Variants in PDLIM5 observed in about 807,000 individuals in gnomAD.
PDLIM5 encodes the protein PDZ and LIM domain 5.
A neutral mutation model predicts 64.2 loss-of-function variants in PDLIM5; 34 were observed. The observed-to-expected ratio is 0.53, with a 90% CI of 0.40 to 0.71. The LOEUF is 0.71. Among genes scored for constraint, PDLIM5 ranks in the 30% least tolerant of loss-of-function variants. The pLI is 0.00. For missense variants in PDLIM5, 683 were observed against 733.6 expected (o/e 0.93, Z 0.80); for synonymous variants, 253 against 269.1 (o/e 0.94, Z 0.59).
chr4:94,476,207 T>C (rs970514675), intron 2 of PDLIM5, among the ~76,000 whole-genome samples: 1 of 152,190 alleles, frequency 6.6e-6, no homozygotes, highest in African/African-American at 2.4e-5. Context: ...CGATTGTGTA[T>C]TATTCATAAT....
intron 3 of PDLIM5, among the ~76,000 whole-genome samples, chr4:94,535,475 C>T (rs1371551894): frequency 1.3e-5 from 2 of 152,186 alleles, no homozygotes; most frequent in African/African-American, 4.8e-5. Context: ...TCTCCTGCTG[C>T]TGCACTTGGT....
intron 3 of PDLIM5, among the ~76,000 whole-genome samples, chr4:94,548,938 C>A (rs1238845672): frequency 2.0e-5 from 3 of 150,530 alleles, no homozygotes; most frequent in South Asian, 2.1e-4. Context: ...ATTGCCTTGG[C>A]AATATTTCTT....
At chr4:94,628,777 G>A (rs530510306) in intron 8 of PDLIM5, among the ~76,000 whole-genome samples, 1 of 151,996 alleles carries the variant, frequency 6.6e-6, no homozygotes, top group African/African-American at 2.4e-5. Flanking sequence ...TGTCCTTATG[G>A]TTTTCTCATC....
intron 3 of PDLIM5, among the ~76,000 whole-genome samples, chr4:94,545,699 A>G (rs1450722279): frequency 6.6e-6 from 1 of 152,132 alleles, no homozygotes; most frequent in Non-Finnish European, 1.5e-5. Context: ...TTTTTAGTAG[A>G]TGATTGTTGA....
At chr4:94,638,706 T>C (rs1391701425) in intron 8 of PDLIM5, among the ~76,000 whole-genome samples, 3 of 152,236 alleles carry the variant, frequency 2.0e-5, no homozygotes, top group African/African-American at 2.4e-5. Flanking sequence ...TGGACTATTT[T>C]CACATGCACC....
At chr4:94,497,377 A>G (rs1345933908) in intron 2 of PDLIM5, among the ~76,000 whole-genome samples, 2 of 152,212 alleles carry the variant, frequency 1.3e-5, no homozygotes, top group Admixed American at 6.5e-5. Flanking sequence ...ACTACTTTTT[A>G]TTTAAAGAGG....
chr4:94,655,913 A>G (rs960166197), intron 10 of PDLIM5, among the ~76,000 whole-genome samples: 1 of 152,198 alleles, frequency 6.6e-6, no homozygotes, highest in African/African-American at 2.4e-5. Context: ...GCCTTGGGAG[A>G]TAGTTTGATT....
chr4:94,645,243 A>G (rs964896442), intron 9 of PDLIM5, among the ~76,000 whole-genome samples: 5 of 152,226 alleles, frequency 3.3e-5, no homozygotes, highest in African/African-American at 1.2e-4. Flanking sequence ...TGTGAATGCC[A>G]TTAATTTATT....
chr4:94,591,324 G>A (rs1428557348), intron 7 of PDLIM5, among the ~76,000 whole-genome samples: 1 of 152,170 alleles, frequency 6.6e-6, no homozygotes, highest in Non-Finnish European at 1.5e-5. Flanking sequence ...GAAGCAGCAA[G>A]TGATAAATTC....
At chr4:94,546,458 A>G (rs1198049258) in intron 3 of PDLIM5, among the ~76,000 whole-genome samples, 2 of 152,132 alleles carry the variant, frequency 1.3e-5, no homozygotes. Flanking sequence ...TCCTCTTCAC[A>G]TTCACTTCTT....
At chr4:94,529,827 A>G (rs1422434125) in intron 3 of PDLIM5, among the ~76,000 whole-genome samples, 1 of 152,178 alleles carries the variant, frequency 6.6e-6, no homozygotes, top group South Asian at 2.1e-4. Flanking sequence ...AAAAAATTCT[A>G]TTTAAAATTA....
At position 94,620,685 on chromosome 4, in the gene PDLIM5, T is replaced by C. The variant is rs1344648344; in HGVS notation, c.1108+2494T>C. On this transcript the variant is annotated intron_variant, in intron 8 of 12. Transcript: ENST00000317968. ...TATATTAGATACTAAATAAATTATT[T>C]ATAAATTATTTTTAGAAAACGTTAT... Among the ~76,000 whole-genome samples, 8 of 152,208 alleles carry C rather than the reference T, an allele frequency of 5.3e-5. No homozygotes were observed. The East Asian group carries it at 1.3e-3, about 26-fold the overall frequency.
chr4:94,605,618 G>A (rs1210778450), intron 7 of PDLIM5, among the ~76,000 whole-genome samples: 1 of 152,160 alleles, frequency 6.6e-6, no homozygotes, highest in Non-Finnish European at 1.5e-5. Flanking sequence ...AGTAAATGAG[G>A]TAGTTTAAGA....
intron 2 of PDLIM5, among the ~76,000 whole-genome samples, chr4:94,463,602 G>A (rs1724090434): frequency 6.6e-6 from 1 of 152,114 alleles, no homozygotes; most frequent in East Asian, 1.9e-4. Flanking sequence ...TGCCAGGTAG[G>A]TTAGGTGGAG....
chr4:94,542,141 G>A (rs753654823), intron 3 of PDLIM5, among the ~76,000 whole-genome samples: 18 of 151,866 alleles, frequency 1.2e-4, no homozygotes, highest in African/African-American at 2.2e-4. Context: ...GTGAAACTCC[G>A]TCTCTACTAA....
intron 1 of PDLIM5, among the ~76,000 whole-genome samples, chr4:94,452,459 C>T (rs1380552576): frequency 6.6e-6 from 1 of 152,204 alleles, no homozygotes; most frequent in Non-Finnish European, 1.5e-5. Flanking sequence ...GGAAAAGGCG[C>T]GTTAGTTTTT....
chr4:94,516,511 TC>T, intron 2 of PDLIM5, among the ~76,000 whole-genome samples: 1 of 28,266 alleles, frequency 3.5e-5, no homozygotes, highest in African/African-American at 1.1e-3. Flanking sequence ...CAAAGCAGTC[TC>T]TCTCTCTCTC....
chr4:94,525,333 A>T (rs1022832118), intron 3 of PDLIM5, among the ~76,000 whole-genome samples: 2 of 152,018 alleles, frequency 1.3e-5, no homozygotes, highest in African/African-American at 4.8e-5. Flanking sequence ...CAGGAGAATC[A>T]CTTGAACTCT....
intron 12 of PDLIM5, among the ~76,000 whole-genome samples, 181 bp from the exon 13 acceptor site, chr4:94,663,797 A>G (rs923025786): frequency 1.5e-4 from 23 of 152,214 alleles, no homozygotes; most frequent in African/African-American, 5.5e-4. Context: ...ATTGCTTTTG[A>G]AAGATTATAT....
Sources: allele counts gnomAD v4.1 joint callset (sites outside exome capture counted in the v4.1 genomes callset), GRCh38; gene constraint gnomAD v4.1.1; transcripts MANE v1.5; gene names NCBI Gene and HGNC (gene_info 2026-07-23, HGNC 2026-07-21).